LRRC8D: variants seen among roughly 807,000 people sequenced by gnomAD.
LRRC8D encodes volume-regulated anion channel subunit LRRC8D.
A neutral mutation model predicts 55.8 loss-of-function variants in LRRC8D; 20 were observed. The observed-to-expected ratio is 0.36, with a 90% CI of 0.25 to 0.52. The LOEUF (loss-of-function observed/expected upper bound fraction) is 0.52. Among genes scored for constraint, LRRC8D ranks in the 20% least tolerant of loss-of-function variants. The probability of loss-of-function intolerance (pLI) is 0.93; values close to 1 mark genes in which losing one functional copy is unlikely to be tolerated. For missense variants in LRRC8D, 651 were observed against 1,030.8 expected, an observed-to-expected ratio of 0.63 and a Z score of 5.05; for synonymous variants, 352 against 377.0, an observed-to-expected ratio of 0.93 and a Z score of 0.77.
At chr1:89,829,385 TA>T (rs1442418114) in intron 1 of LRRC8D, among the ~76,000 whole-genome samples, 1 of 152,230 alleles carries the variant, frequency 6.6e-6, no homozygotes, top group Admixed American at 6.5e-5. Flanking sequence ...GATGAGGTCA[TA>T]AGGCTGGAAA....
chr1:89,927,586 G>A (rs1020509880), intron 2 of LRRC8D, among the ~76,000 whole-genome samples: 2 of 152,164 alleles, frequency 1.3e-5, no homozygotes, highest in Non-Finnish European at 2.9e-5. Context: ...GTCATAAAGT[G>A]TGCTTATGCT....
At chr1:89,848,199 C>G (rs1466740589) in intron 2 of LRRC8D, among the ~76,000 whole-genome samples, 1 of 152,158 alleles carries the variant, frequency 6.6e-6, no homozygotes, top group Non-Finnish European at 1.5e-5. Flanking sequence ...CTGGATTTCT[C>G]TTAAGAGCAT....
intron 2 of LRRC8D, among the ~76,000 whole-genome samples, chr1:89,869,051 C>T (rs528524081): frequency 3.9e-5 from 6 of 152,074 alleles, no homozygotes; most frequent in Admixed American, 6.5e-5. Flanking sequence ...GGAGTACACA[C>T]GCATGCCACC....
At chr1:89,896,993 G>A (rs894722359) in intron 2 of LRRC8D, among the ~76,000 whole-genome samples, 1 of 152,130 alleles carries the variant, frequency 6.6e-6, no homozygotes, top group Non-Finnish European at 1.5e-5. Context: ...TTGCAGATGG[G>A]GGTGCTGATT....
intron 2 of LRRC8D, among the ~76,000 whole-genome samples, chr1:89,894,504 C>T (rs1310092194): frequency 6.6e-6 from 1 of 152,162 alleles, no homozygotes; most frequent in Non-Finnish European, 1.5e-5. Flanking sequence ...CTCCCTTAAA[C>T]ATTCTTTTAG....
intron 2 of LRRC8D, among the ~76,000 whole-genome samples, chr1:89,847,939 C>T (rs1312493928): frequency 6.6e-6 from 1 of 152,158 alleles, no homozygotes; most frequent in Non-Finnish European, 1.5e-5. Flanking sequence ...TCTTGCAGTA[C>T]CCTGAAGTCT....
At chr1:89,882,243 T>A (rs1662302930) in intron 2 of LRRC8D, among the ~76,000 whole-genome samples, 1 of 152,266 alleles carries the variant, frequency 6.6e-6, no homozygotes. Context: ...TGCTAAGCCC[T>A]GTGCTGTGCC....
intron 2 of LRRC8D, among the ~76,000 whole-genome samples, chr1:89,853,528 G>C (rs535527385): frequency 6.6e-6 from 1 of 152,140 alleles, no homozygotes; most frequent in African/African-American, 2.4e-5. Context: ...TTGAGTACCC[G>C]GTGCTTTTTG....
chr1:89,880,311 C>T lies in LRRC8D; in HGVS notation c.-3+36529C>T, dbSNP rs189924402. Among the ~76,000 whole-genome samples the T allele has an allele frequency of 2.0e-5, 3 of 151,236 alleles. No individual in the cohort carries two copies. The East Asian group carries it at 5.8e-4, about 29-fold the overall frequency. ...AAATTTGACTTTCCAGATTCATTTC[C>T]AGGATCATCTGAGGCAAAGTGTTTA... On this transcript the variant is annotated intron_variant, in intron 2 of 2. Coordinates refer to ENST00000337338, the MANE Select transcript of LRRC8D (RefSeq NM_001134479.2).
chr1:89,892,949 T>G (rs1662617004), intron 2 of LRRC8D, among the ~76,000 whole-genome samples: 2 of 152,242 alleles, frequency 1.3e-5, no homozygotes. Flanking sequence ...TCAGTTGACA[T>G]GTGGTTAATT....
intron 1 of LRRC8D, among the ~76,000 whole-genome samples, chr1:89,834,874 G>A (rs1389142978): frequency 6.6e-6 from 1 of 152,108 alleles, no homozygotes; most frequent in African/African-American, 2.4e-5. Context: ...GGGATGGAGT[G>A]AGGGATGGAG....
intron 2 of LRRC8D, among the ~76,000 whole-genome samples, chr1:89,856,399 T>C (rs905331283): frequency 2.6e-5 from 4 of 152,136 alleles, no homozygotes; most frequent in African/African-American, 9.7e-5. Flanking sequence ...TTTCCAGAAA[T>C]AAGATATGAG....
chr1:89,893,382 A>G (rs1662627025), intron 2 of LRRC8D, among the ~76,000 whole-genome samples: 1 of 152,214 alleles, frequency 6.6e-6, no homozygotes, highest in African/African-American at 2.4e-5. Flanking sequence ...AATATTCGTT[A>G]TCACTTTTTT....
At chr1:89,895,896 C>T (rs1662696863) in intron 2 of LRRC8D, among the ~76,000 whole-genome samples, 1 of 152,148 alleles carries the variant, frequency 6.6e-6, no homozygotes. Flanking sequence ...ACAGGGAAAA[C>T]TTTTCCATAG....
intron 2 of LRRC8D, among the ~76,000 whole-genome samples, chr1:89,889,259 C>T (rs1034353752): frequency 5.9e-5 from 9 of 152,110 alleles, no homozygotes; most frequent in African/African-American, 2.2e-4. Context: ...CTATAAAATA[C>T]CTGACCAGTA....
chr1:89,918,918 A>G (rs1004119638), intron 2 of LRRC8D, among the ~76,000 whole-genome samples: 4 of 152,206 alleles, frequency 2.6e-5, no homozygotes, highest in Non-Finnish European at 5.9e-5. Flanking sequence ...GGAATGCTGT[A>G]CAGTTGTGAG....
chr1:89,932,252 T>C (rs574943310), intron 2 of LRRC8D, among the ~76,000 whole-genome samples: 2 of 152,356 alleles, frequency 1.3e-5, no homozygotes, highest in South Asian at 2.1e-4. Context: ...TGCTGACTTA[T>C]TCAGCATCAC....
chr1:89,856,328 T>C (rs1419753976), intron 2 of LRRC8D, among the ~76,000 whole-genome samples: 3 of 152,110 alleles, frequency 2.0e-5, no homozygotes, highest in Admixed American at 2.0e-4. Context: ...CAGTAATCTC[T>C]CTCTCTCACA....
chr1:89,918,297 G>A (rs991595848), intron 2 of LRRC8D, among the ~76,000 whole-genome samples: 1 of 152,194 alleles, frequency 6.6e-6, no homozygotes, highest in Admixed American at 6.5e-5. Context: ...ATAACCAGCA[G>A]CTGTTACTCA....
Sources: gnomAD v4.1 joint callset for allele counts (sites outside exome capture counted in the v4.1 genomes callset) on GRCh38, gnomAD v4.1.1 for gene constraint, MANE v1.5 for transcripts, NCBI Gene and HGNC (gene_info 2026-07-23, HGNC 2026-07-21) for gene names.